The following FLT3 variants were observed in gnomAD, a reference collection of about 807,000 sequenced individuals.
FLT3 encodes receptor-type tyrosine-protein kinase FLT3.
FLT3 carries 46 observed loss-of-function variants against 126.6 expected under a neutral mutation model. The ratio of observed to expected loss-of-function variants is 0.36; its 90% CI spans 0.29 to 0.46. The LOEUF is 0.46. Among genes scored for constraint, FLT3 ranks in the 20% least tolerant of loss-of-function variants. FLT3 has a pLI of 1.00. For synonymous variants in FLT3, 404 were observed against 434.4 expected (o/e 0.93, Z 0.87); for missense variants, 1,069 against 1,190.3 (o/e 0.90, Z 1.50).
chr13:28,072,739 C>T (rs570792836), intron 1 of FLT3, among the ~76,000 whole-genome samples: 2 of 151,488 alleles, frequency 1.3e-5, no homozygotes, highest in Admixed American at 1.3e-4. Context: ...CGTGGTGGCT[C>T]ACACCTGTAA....
chr13:28,091,872 C>G (rs1032635022), intron 1 of FLT3, among the ~76,000 whole-genome samples: 1 of 152,036 alleles, frequency 6.6e-6, no homozygotes, highest in African/African-American at 2.4e-5. Context: ...GAGTTCGAAA[C>G]CAGCCTGGCC....
In FLT3 at chr13:28,010,026, A is replaced by G. The variant is rs181523088; in HGVS notation, c.2859+4426T>C. Among the ~76,000 whole-genome samples the G allele has an allele frequency of 6.2e-3, 948 of 152,116 alleles. 6 individuals carry two copies. Among genetic ancestry groups the G allele is most frequent in the Middle Eastern group, 0.014 (4 of 292 alleles). On this transcript the variant is annotated intron_variant, in intron 23 of 23. Coordinates refer to ENST00000241453, the MANE Select transcript of FLT3 (RefSeq NM_004119.3). ...CCTAGTGTGCTCCCTCAGCGTGCCC[A>G]TCCTTGCTGCTGCCGCCCCTCTCAA...
intron 20 of FLT3, among the ~76,000 whole-genome samples, chr13:28,016,276 CTT>C (rs5802457): frequency 1.3e-5 from 2 of 148,908 alleles, no homozygotes; most frequent in South Asian, 2.1e-4. Context: ...TTTTCTTTCT[CTT>C]TTTTTTTTTG....
chr13:28,067,913 GC>G, intron 2 of FLT3: 1 of 388,748 alleles, frequency 2.6e-6, no homozygotes. Context: ...GCTTGTGCAG[GC>G]CACCTGCCTG....
At chr13:28,007,030 C>T (rs1424499504) in intron 23 of FLT3, among the ~76,000 whole-genome samples, 1 of 152,054 alleles carries the variant, frequency 6.6e-6, no homozygotes, top group Non-Finnish European at 1.5e-5. Flanking sequence ...CGTGAGCCAC[C>T]ACCCTCAGCC....
intron 17 of FLT3, among the ~76,000 whole-genome samples, 197 bp downstream of exon 17, chr13:28,026,891 A>G (rs1422708930): frequency 6.6e-6 from 1 of 152,172 alleles, no homozygotes; most frequent in Non-Finnish European, 1.5e-5. Context: ...CAGCTATAGT[A>G]CCTGTACTGA....
At chr13:28,065,645 G>GTAA (rs35748326) in intron 2 of FLT3, among the ~76,000 whole-genome samples, 1,654 of 108,176 alleles carry the variant, frequency 0.015, 120 homozygotes, top group African/African-American at 0.049. Context: ...TTGTCTCAAA[G>GTAA]TAATAATAAT....
In FLT3 at chr13:28,023,600, A is replaced by C. The variant is rs1017255901; in HGVS notation, c.2291-123T>G. ...TGCTAAGACATGAAGCTATCGCATT[A>C]TCTTCCCGGCAGCATTAGAGATGAC... On this transcript the variant is annotated intron_variant, in intron 18 of 23. Coordinates refer to ENST00000241453, the MANE Select transcript of FLT3 (RefSeq NM_004119.3). 6 of 1,047,044 alleles carry C rather than the reference A, an allele frequency of 5.7e-6. No individual in the cohort carries two copies. The East Asian group carries it at 1.4e-4, about 25-fold the overall frequency. 64.9% of individuals were successfully genotyped at this position (1,047,044 alleles called of 1,614,324 possible).
chr13:28,014,903 T>G (rs1472873053), intron 22 of FLT3, among the ~76,000 whole-genome samples: 1 of 152,256 alleles, frequency 6.6e-6, no homozygotes, highest in South Asian at 2.1e-4. Context: ...CTTTTTAAAA[T>G]GGAATCAGAC....
intron 1 of FLT3, among the ~76,000 whole-genome samples, chr13:28,095,829 G>T (rs1454216830): frequency 6.6e-6 from 1 of 152,012 alleles, no homozygotes; most frequent in Non-Finnish European, 1.5e-5. Flanking sequence ...AAAGAACCGT[G>T]GATATGTTGT....
intron 15 of FLT3, 135 bp from the exon 16 acceptor site, chr13:28,028,423 A>G: frequency 1.6e-6 from 1 of 609,650 alleles, no homozygotes; most frequent in East Asian, 2.8e-5. Context: ...GAAGCCAGGC[A>G]TGGTGGGTCA....
At position 28,018,557 on chromosome 13, in the gene FLT3, C is replaced by G. The variant is rs1872098617; in HGVS notation, c.2451G>C (p.Val817=). Reference sequence around the variant, plus strand: ...TCACCACTTTCCCGTGGGTGACAAGCACGTTCCTGGCGGCCAGGTCTCTGT... The same window carrying G: ...TCACCACTTTCCCGTGGGTGACAAGGACGTTCCTGGCGGCCAGGTCTCTGT... ...CVHRDLAARN[V]LVTHGKVVKI... is the part of the protein sequence containing the mutation. Residue 817 remains valine (V), a synonymous_variant, in exon 20 of 24, where the codon GTG becomes GTC. Transcript: ENST00000241453. 6.2e-7 allele frequency: 1 copy of G among 1,614,180 alleles called. No homozygotes were observed. The highest frequency in any genetic ancestry group is 8.5e-7 in the Non-Finnish European group (1 of 1,180,020).
intron 1 of FLT3, among the ~76,000 whole-genome samples, chr13:28,082,792 C>T (rs1878421978): frequency 6.6e-6 from 1 of 152,156 alleles, no homozygotes; most frequent in Non-Finnish European, 1.5e-5. Flanking sequence ...CAAGCTTTGC[C>T]TCCTGGGTTC....
chr13:28,091,968 G>A (rs1366211284), intron 1 of FLT3, among the ~76,000 whole-genome samples: 1 of 152,156 alleles, frequency 6.6e-6, no homozygotes, highest in African/African-American at 2.4e-5. Flanking sequence ...TACTCGGGAG[G>A]CTGAGGCAGG....
chr13:28,037,238 T>C lies in FLT3; in HGVS notation c.1256A>G (p.His419Arg). ...HKHQPGEYIF[H>R]AENDDAQFTK... is the part of the protein sequence containing the mutation. Reference sequence around the variant, plus strand: ...AAATTGGGCATCATCATTTTCTGCATGGAATATATATTCTCCTGGCTGGTG... The same window carrying C: ...AAATTGGGCATCATCATTTTCTGCACGGAATATATATTCTCCTGGCTGGTG... Residue 419 changes from histidine to arginine, a missense_variant, in exon 10 of 24, where the codon CAT becomes CGT. Physicochemically the swap from His to Arg is conservative, Grantham distance 29. Transcript: ENST00000241453. The C allele has an allele frequency of 1.2e-6, 2 of 1,612,362 alleles. No homozygotes were observed. Among genetic ancestry groups the C allele is most frequent in the South Asian group, 1.1e-5 (1 of 91,038 alleles).
At position 28,003,950 on chromosome 13, in the gene FLT3, A is replaced by G. The variant is rs545349049; in HGVS notation, c.*102T>C. On this transcript the variant is annotated 3_prime_UTR_variant, in exon 24 of 24. Coordinates refer to ENST00000241453, the MANE Select transcript of FLT3 (RefSeq NM_004119.3). ...GAAAAGTCTGGTGAAGCAGCAGTTG[A>G]TAATAGATTTTCTTTTAGTGATGAA... The G allele has an allele frequency of 1.5e-6, 2 of 1,366,148 alleles. No individual in the cohort carries two copies. The highest frequency in any genetic ancestry group is 4.6e-5 in the East Asian group (2 of 43,298). The allele number at this position is 1,366,148 out of a possible 1,614,324, so 84.6% of individuals were successfully genotyped here. A position where few individuals can be genotyped will look rare whatever the true frequency, so the allele number is the denominator to read the frequency against.
intron 9 of FLT3, among the ~76,000 whole-genome samples, chr13:28,045,889 C>T (rs984211102): frequency 3.0e-5 from 4 of 133,604 alleles, no homozygotes; most frequent in African/African-American, 1.1e-4. Flanking sequence ...TTCTGAATAA[C>T]AGCTTACGAT....
intron 23 of FLT3, among the ~76,000 whole-genome samples, chr13:28,006,094 A>T (rs958276413): frequency 6.6e-6 from 1 of 152,166 alleles, no homozygotes; most frequent in African/African-American, 2.4e-5. Flanking sequence ...TCCTGTCTCT[A>T]AAAGAAATAA....
Position 28,018,447 on chromosome 13 carries a change from G to C in FLT3, c.2541+20C>G, listed in dbSNP as rs2137622335. On this transcript the variant is annotated intron_variant, in intron 20 of 23. Coordinates refer to ENST00000241453, the MANE Select transcript of FLT3 (RefSeq NM_004119.3). ...ACACAAAATAGCCGTATAAAAATAA[G>C]TAGGAAATAGCAGCCTCACATTGCC... The C allele has an allele frequency of 6.2e-7, 1 of 1,613,246 alleles. No homozygotes were observed.
Sources: gnomAD v4.1 joint callset for allele counts (sites outside exome capture counted in the v4.1 genomes callset) on GRCh38, gnomAD v4.1.1 for gene constraint, MANE v1.5 for transcripts, NCBI Gene and HGNC (gene_info 2026-07-23, HGNC 2026-07-21) for gene names.